Variants in PAX7 observed in about 807,000 individuals in gnomAD.
PAX7 encodes the protein paired box protein Pax-7.
In PAX7, 18 loss-of-function variants were observed where a neutral mutation model predicts 50.7. That is an observed-to-expected ratio of 0.36 (90% confidence interval 0.25 to 0.53). The LOEUF (loss-of-function observed/expected upper bound fraction) is 0.53. PAX7 is among the 20% of genes least tolerant of loss of function. PAX7 has a pLI of 0.93. For missense variants in PAX7, 644 were observed against 702.9 expected, an observed-to-expected ratio of 0.92 and a Z score of 0.95; for synonymous variants, 310 against 290.4, an observed-to-expected ratio of 1.07 and a Z score of -0.69.
At chr1:18,724,314 AG>A (rs1270929758) in intron 7 of PAX7, among the ~76,000 whole-genome samples, 6 of 152,244 alleles carry the variant, frequency 3.9e-5, no homozygotes, top group Admixed American at 1.3e-4. Context: ...GGCTGGCAGC[AG>A]GCTGCAGAGG....
At chr1:18,672,818 G>A (rs1213425825) in intron 4 of PAX7, among the ~76,000 whole-genome samples, 1 of 151,958 alleles carries the variant, frequency 6.6e-6, no homozygotes, top group African/African-American at 2.4e-5. Flanking sequence ...GGTTGGCCAG[G>A]CTAGTCTTGA....
chr1:18,705,547 G>A lies in PAX7; in HGVS notation c.1155+2251G>A, dbSNP rs75843850. ...CCATGACCACTGCTTTTCCTAGCCC[G>A]CCCTGTCTCACTGTGGGCTGAGGTT... On this transcript the variant is annotated intron_variant, in intron 7 of 8. Coordinates refer to ENST00000420770, the MANE Select transcript of PAX7 (RefSeq NM_001135254.2). 6.6e-5 allele frequency among the ~76,000 whole-genome samples: 10 copies of A among 152,226 alleles called. No individual in the cohort carries two copies. In the East Asian group the frequency reaches 1.2e-3, roughly 18 times the overall value.
chr1:18,663,545 G>A (rs1196708430), intron 4 of PAX7, among the ~76,000 whole-genome samples: 1 of 152,150 alleles, frequency 6.6e-6, no homozygotes, highest in Non-Finnish European at 1.5e-5. Flanking sequence ...ACCATGCCCA[G>A]CTAATTTTTA....
chr1:18,701,128 T>TC (rs1022898342), intron 6 of PAX7, among the ~76,000 whole-genome samples: 9 of 148,402 alleles, frequency 6.1e-5, no homozygotes, highest in African/African-American at 2.3e-4. Flanking sequence ...CTTCTAAAAA[T>TC]CCCCCTGGGA....
At chr1:18,740,832 C>T (rs1055971612) in intron 8 of PAX7, among the ~76,000 whole-genome samples, 2 of 152,134 alleles carry the variant, frequency 1.3e-5, no homozygotes, top group African/African-American at 4.8e-5. Flanking sequence ...AGAATAAAAT[C>T]CTGTCATCTG....
chr1:18,728,129 C>T (rs370596031), intron 7 of PAX7, among the ~76,000 whole-genome samples: 57 of 151,940 alleles, frequency 3.8e-4, no homozygotes, highest in African/African-American at 1.3e-3. Flanking sequence ...CTGGGTGTCC[C>T]CTGGGGGCTG....
At chr1:18,654,201 C>G (rs549779828) in intron 4 of PAX7, among the ~76,000 whole-genome samples, 31 of 152,006 alleles carry the variant, frequency 2.0e-4, no homozygotes, top group Non-Finnish European at 3.4e-4. Context: ...AGCCCTCCCC[C>G]CACCCGCCAG....
intron 4 of PAX7, among the ~76,000 whole-genome samples, chr1:18,641,006 G>A (rs145088670): frequency 1.3e-5 from 2 of 152,248 alleles, no homozygotes; most frequent in African/African-American, 2.4e-5. Context: ...AGAAGAGAGA[G>A]GGGGAGGCGG....
rs1369958096 is a variant in PAX7, at chr1:18,634,454, C to T, written c.237C>T (p.Ser79=). ...TCATCTCCCGACAGCTGCGTGTCTCCCACGGCTGCGTCTCCAAGATTCTTT... is the reference window on the plus strand; with the variant it reads ...TCATCTCCCGACAGCTGCGTGTCTCTCACGGCTGCGTCTCCAAGATTCTTT... ...PCVISRQLRV[S]HGCVSKILCR... The change falls in exon 2 of 9, where the codon TCC becomes TCT. Residue 79 remains serine, a synonymous_variant. Transcript: ENST00000420770. The surrounding 1 kb of genome is among the most constrained non-coding windows in gnomAD (Gnocchi z 4.0). The T allele has an allele frequency of 2.5e-6, 4 of 1,614,216 alleles. No individual in the cohort carries two copies. In the South Asian group the frequency reaches 4.4e-5, roughly 18 times the overall value.
At chr1:18,714,964 G>A (rs2089400106) in intron 7 of PAX7, among the ~76,000 whole-genome samples, 3 of 152,242 alleles carry the variant, frequency 2.0e-5, no homozygotes, top group Non-Finnish European at 4.4e-5. Context: ...TAATACAGCA[G>A]GCAGACTTAG....
At chr1:18,664,178 AC>A (rs1195273593) in intron 4 of PAX7, among the ~76,000 whole-genome samples, 1 of 152,196 alleles carries the variant, frequency 6.6e-6, no homozygotes. Context: ...TCTCACTTTC[AC>A]AGATGGATGG....
intron 5 of PAX7, among the ~76,000 whole-genome samples, chr1:18,692,198 G>A (rs1256986792): frequency 6.6e-6 from 1 of 152,058 alleles, no homozygotes; most frequent in Admixed American, 6.5e-5. Context: ...GGGAAGGGGG[G>A]AAGAAAAGGA....
intron 4 of PAX7, among the ~76,000 whole-genome samples, chr1:18,674,758 T>A (rs1315112790): frequency 6.6e-6 from 1 of 152,346 alleles, no homozygotes; most frequent in South Asian, 2.1e-4. Context: ...TCTTGCTCCC[T>A]TTCACAGAGC....
At chr1:18,645,857 C>G (rs1374455719) in intron 4 of PAX7, among the ~76,000 whole-genome samples, 1 of 152,196 alleles carries the variant, frequency 6.6e-6, no homozygotes, top group African/African-American at 2.4e-5. Context: ...AGAAGCACCT[C>G]CGTCTCCCGC....
intron 5 of PAX7, among the ~76,000 whole-genome samples, chr1:18,696,246 T>C (rs1557536034): frequency 1.3e-5 from 2 of 152,120 alleles, no homozygotes; most frequent in Non-Finnish European, 2.9e-5. Context: ...TTTGTATTTT[T>C]AATAGAGACA....
intron 7 of PAX7, among the ~76,000 whole-genome samples, chr1:18,706,416 C>T (rs2089283487): frequency 6.6e-6 from 1 of 151,586 alleles, no homozygotes; most frequent in South Asian, 2.1e-4. Context: ...ATGTGGACCT[C>T]AAAACTGGAA....
rs2089698213 is a variant in PAX7 at position 18,735,484 on chromosome 1, G to A, written c.1156-148G>A. 2.8e-6 allele frequency: 4 copies of A among 1,415,994 alleles called. No individual in the cohort carries two copies. In the East Asian group the frequency reaches 1.0e-4, roughly 35 times the overall value. 87.7% of individuals were successfully genotyped at this position (1,415,994 alleles called of 1,614,324 possible). On this transcript the variant is annotated intron_variant, in intron 7 of 8. Transcript: ENST00000420770. The surrounding 1 kb of genome is among the most constrained non-coding windows in gnomAD (Gnocchi z 4.0). ...CCCATGCATGAGGGCACGCAAATCA[G>A]GTAAACTGAGGACCTCGAAGCTACA...
chr1:18,645,961 G>T (rs1315477777), intron 4 of PAX7, among the ~76,000 whole-genome samples: 3 of 152,242 alleles, frequency 2.0e-5, no homozygotes, highest in Non-Finnish European at 4.4e-5. Flanking sequence ...TCACCCTGCA[G>T]CTCTCCTTCC....
chr1:18,699,797 G>A (rs1200751354), intron 5 of PAX7, among the ~76,000 whole-genome samples: 3 of 152,006 alleles, frequency 2.0e-5, no homozygotes, highest in Admixed American at 6.6e-5. Context: ...TCCTGACCTC[G>A]TGATCCGCCC....
Sources: gnomAD v4.1 joint callset for allele counts (sites outside exome capture counted in the v4.1 genomes callset) on GRCh38, gnomAD v4.1.1 for gene constraint, Gnocchi (gnomAD v3.1) non-coding constraint, MANE v1.5 for transcripts, NCBI Gene and HGNC (gene_info 2026-07-23, HGNC 2026-07-21) for gene names.